Variants in CA10 observed in about 807,000 individuals in gnomAD.
CA10 encodes the protein carbonic anhydrase 10 (inactive), also known as carbonic anhydrase-related protein 10.
Under a neutral mutation model 44.2 loss-of-function variants are expected in CA10, and 14 were observed. The ratio of observed to expected loss-of-function variants is 0.32; its 90% CI spans 0.21 to 0.50. The LOEUF is 0.50. Among genes scored for constraint, CA10 ranks in the 20% least tolerant of loss-of-function variants. The pLI, the probability that CA10 is intolerant of heterozygous loss-of-function variation, is 0.99. For missense variants in CA10, 350 were observed against 409.7 expected (o/e 0.85, Z 1.26); for synonymous variants, 159 against 141.6 (o/e 1.12, Z -0.87).
chr17:52,102,833 AATG>A (rs1244913232), intron 1 of CA10, among the ~76,000 whole-genome samples: 6 of 152,208 alleles, frequency 3.9e-5, no homozygotes, highest in Admixed American at 1.3e-4. Flanking sequence ...CATTACTAAG[AATG>A]ATGTTTCATT....
intron 4 of CA10, among the ~76,000 whole-genome samples, chr17:51,738,411 G>A (rs1916983688): frequency 6.6e-6 from 1 of 152,092 alleles, no homozygotes; most frequent in African/African-American, 2.4e-5. Flanking sequence ...GGGAATGTGG[G>A]CGGGGGAGAT....
chr17:51,963,058 C>T (rs981106385), intron 2 of CA10, among the ~76,000 whole-genome samples: 2 of 152,226 alleles, frequency 1.3e-5, no homozygotes, highest in Middle Eastern at 3.4e-3. Flanking sequence ...AAGAGACAAA[C>T]ATCTTAAAAA....
chr17:52,066,394 C>G (rs1478467081), intron 2 of CA10, among the ~76,000 whole-genome samples: 7 of 152,162 alleles, frequency 4.6e-5, no homozygotes, highest in African/African-American at 1.7e-4. Context: ...TGGGTCCCCA[C>G]CCAAATCTCA....
intron 8 of CA10, among the ~76,000 whole-genome samples, chr17:51,631,927 T>C (rs565357149): frequency 4.7e-4 from 71 of 152,296 alleles, no homozygotes; most frequent in African/African-American, 1.6e-3. Context: ...AGCTGCTGTA[T>C]TGGGCAGTGC....
intron 4 of CA10, among the ~76,000 whole-genome samples, chr17:51,685,777 C>T (rs1914988540): frequency 6.6e-6 from 1 of 152,092 alleles, no homozygotes; most frequent in Non-Finnish European, 1.5e-5. Context: ...AGAGGCTGGT[C>T]CCTGTTGTAG....
At chr17:51,895,462 C>T (rs1981028057) in intron 3 of CA10, among the ~76,000 whole-genome samples, 1 of 77,524 alleles carries the variant, frequency 1.3e-5, no homozygotes, top group African/African-American at 1.1e-4. Flanking sequence ...AACAAAGCAA[C>T]AACAAAATCT....
chr17:52,034,836 G>A (rs1986570706), intron 2 of CA10, among the ~76,000 whole-genome samples: 1 of 152,138 alleles, frequency 6.6e-6, no homozygotes, highest in African/African-American at 2.4e-5. Context: ...AGCTCAAGTA[G>A]GTAGAGGACA....
At chr17:51,643,192 T>C (rs1417425887) in intron 6 of CA10, among the ~76,000 whole-genome samples, 2 of 152,182 alleles carry the variant, frequency 1.3e-5, no homozygotes, top group African/African-American at 2.4e-5. Flanking sequence ...TAAAAAATAA[T>C]GCTGGCTTAA....
intron 1 of CA10, among the ~76,000 whole-genome samples, chr17:52,139,697 A>G (rs1989435737): frequency 6.6e-6 from 1 of 152,106 alleles, no homozygotes; most frequent in Middle Eastern, 3.2e-3. Context: ...CTGGATTCAG[A>G]CAGGTCCACA....
intron 3 of CA10, among the ~76,000 whole-genome samples, chr17:51,866,324 G>C (rs1979544738): frequency 6.6e-6 from 1 of 152,190 alleles, no homozygotes; most frequent in Middle Eastern, 3.2e-3. Flanking sequence ...GTGGACTGGA[G>C]TTCACATAAC....
rs79526932 is a variant in CA10, at chr17:51,900,572, C to G, written c.279+30418G>C. ...GTATTTCTCAAATTTGAATGTTGGCCTAACAAGGTTGGAGAAATTTTCATG... is the reference window on the plus strand; with the variant it reads ...GTATTTCTCAAATTTGAATGTTGGCGTAACAAGGTTGGAGAAATTTTCATG... On this transcript the variant is annotated intron_variant, in intron 3 of 8. Transcript: ENST00000451037. Among the ~76,000 whole-genome samples, 96 of 152,234 alleles carry G rather than the reference C, an allele frequency of 6.3e-4. 2 individuals carry two copies. The East Asian group carries it at 0.018, about 29-fold the overall frequency.
At chr17:52,112,614 AATC>A (rs1481669776) in intron 1 of CA10, among the ~76,000 whole-genome samples, 1 of 152,262 alleles carries the variant, frequency 6.6e-6, no homozygotes, top group Non-Finnish European at 1.5e-5. Context: ...TTCTCAATGT[AATC>A]ATCGTGAAGA....
chr17:52,099,510 A>C (rs962514392), intron 1 of CA10, among the ~76,000 whole-genome samples: 3 of 152,054 alleles, frequency 2.0e-5, no homozygotes, highest in African/African-American at 7.2e-5. Flanking sequence ...GGGGTCACTT[A>C]CTTGGTTGGG....
chr17:51,635,844 G>A lies in CA10; in HGVS notation c.789+11C>T. ...CTTCTCCATTAGCTAAATGACCAGA[G>A]AGAAACTCACCTGCATCCTGGTTAT... is the stretch of plus-strand genomic sequence containing the variant. On this transcript the variant is annotated intron_variant, in intron 7 of 8. Coordinates refer to ENST00000451037, the MANE Select transcript of CA10 (RefSeq NM_020178.5). The A allele has an allele frequency of 6.4e-7, 1 of 1,551,726 alleles. No homozygotes were observed. Among genetic ancestry groups the A allele is most frequent in the Non-Finnish European group, 8.7e-7 (1 of 1,144,414 alleles).
chr17:51,759,358 C>CTGTGTGTG (rs5820879), intron 3 of CA10, among the ~76,000 whole-genome samples: 9 of 141,996 alleles, frequency 6.3e-5, no homozygotes, highest in South Asian at 2.3e-4. Context: ...CTTCTTTGCT[C>CTGTGTGTG]TGTGTGTGTG....
chr17:51,885,131 A>G (rs1420809681), intron 3 of CA10, among the ~76,000 whole-genome samples: 1 of 152,184 alleles, frequency 6.6e-6, no homozygotes, highest in African/African-American at 2.4e-5. Flanking sequence ...GACATACAAC[A>G]TATTTTTACT....
intron 4 of CA10, among the ~76,000 whole-genome samples, chr17:51,690,482 T>C (rs1466047736): frequency 2.0e-5 from 3 of 152,186 alleles, no homozygotes; most frequent in East Asian, 1.9e-4. Context: ...CACCCAAATC[T>C]CATCTTGAAT....
At chr17:52,010,205 A>G (rs1431611449) in intron 2 of CA10, among the ~76,000 whole-genome samples, 1 of 152,032 alleles carries the variant, frequency 6.6e-6, no homozygotes, top group African/African-American at 2.4e-5. Context: ...TTACTTAAAG[A>G]ACTAAAAGTA....
intron 3 of CA10, among the ~76,000 whole-genome samples, chr17:51,914,932 A>G (rs1043847439): frequency 5.7e-4 from 86 of 152,210 alleles, no homozygotes; most frequent in African/African-American, 2.0e-3. Context: ...GAGATAAAAT[A>G]TGTATGTATA....
Sources: gnomAD v4.1 joint callset for allele counts (sites outside exome capture counted in the v4.1 genomes callset) on GRCh38, gnomAD v4.1.1 for gene constraint, MANE v1.5 for transcripts, NCBI Gene and HGNC (gene_info 2026-07-23, HGNC 2026-07-21) for gene names.